The following ZDHHC20 variants were observed in gnomAD, a reference collection of about 807,000 sequenced individuals.
The protein encoded by ZDHHC20 is zDHHC palmitoyltransferase 20.
In ZDHHC20, 43 loss-of-function variants were observed where a neutral mutation model predicts 57.8. That is an observed-to-expected ratio of 0.74 (90% CI 0.58 to 0.96). The LOEUF (loss-of-function observed/expected upper bound fraction) is 0.96. Among genes scored for constraint, ZDHHC20 ranks in the 40% least tolerant of loss-of-function variants. The pLI, the probability that ZDHHC20 is intolerant of heterozygous loss-of-function variation, is 0.00. For missense variants in ZDHHC20, 391 were observed against 441.1 expected (o/e 0.89, Z 1.02); for synonymous variants, 157 against 153.0 (o/e 1.03, Z -0.19).
At chr13:21,384,349 C>A (rs9506665) in intron 9 of ZDHHC20, among the ~76,000 whole-genome samples, 76,832 of 150,428 alleles carry the variant, frequency 0.51, 20,086 homozygotes, top group Non-Finnish European at 0.58. Flanking sequence ...CTGAGGCATA[C>A]GAATCGCTTG....
chr13:21,427,660 C>A (rs1593251606), intron 1 of ZDHHC20, among the ~76,000 whole-genome samples: 1 of 151,820 alleles, frequency 6.6e-6, no homozygotes, highest in African/African-American at 2.4e-5. Flanking sequence ...ATGGTGAAAC[C>A]CCGTCTGCAC....
In ZDHHC20 at chr13:21,421,104, T is replaced by A. The variant is rs974648221; in HGVS notation, c.206A>T (p.Tyr69Phe). The A allele has an allele frequency of 8.7e-6, 14 of 1,613,234 alleles. No homozygotes were observed. The highest frequency in any genetic ancestry group is 1.2e-5 in the Non-Finnish European group (14 of 1,179,688). The change falls in exon 3 of 13, where the codon TAT becomes TTT. Residue 69 changes from tyrosine (Y) to phenylalanine (F), a missense_variant. Coordinates refer to ENST00000400590, the MANE Select transcript of ZDHHC20 (RefSeq NM_001330059.2). ...GGGAGATGTGAAAATTGTCATCCAA[T>A]AGGACCATACAAACATAACAAAGAA... The part of the protein sequence containing the change: ...HLFFVMFVWS[Y>F]WMTIFTSPAS...
chr13:21,406,727 T>C (rs1441727701), intron 4 of ZDHHC20, among the ~76,000 whole-genome samples: 1 of 152,232 alleles, frequency 6.6e-6, no homozygotes, highest in Non-Finnish European at 1.5e-5. Flanking sequence ...TTCTTTTTTA[T>C]GGCTGCATAG....
rs114862760 is a variant in ZDHHC20, at chr13:21,385,301, C to T, written c.854+2207G>A. On this transcript the variant is annotated intron_variant, in intron 9 of 12. Transcript: ENST00000400590. ...AAACTTAGCCAGGTGTGGTGTTACGCACCGGTAATCCCAGCTTCTTTGGAG... is the reference window on the plus strand; with the variant it reads ...AAACTTAGCCAGGTGTGGTGTTACGTACCGGTAATCCCAGCTTCTTTGGAG... 7.9e-3 allele frequency among the ~76,000 whole-genome samples: 1,206 copies of T among 152,150 alleles called. 19 individuals carry two copies. Among genetic ancestry groups the T allele is most frequent in the African/African-American group, 0.028 (1,153 of 41,504 alleles).
At chr13:21,426,603 T>C (rs1881277060) in intron 1 of ZDHHC20, among the ~76,000 whole-genome samples, 1 of 136,058 alleles carries the variant, frequency 7.3e-6, no homozygotes. Context: ...TTTTTTCTCC[T>C]TTTCTTTTTT....
intron 1 of ZDHHC20, among the ~76,000 whole-genome samples, chr13:21,432,331 A>AT (rs71093309): frequency 0.31 from 40,681 of 133,070 alleles, 6,120 homozygotes; most frequent in South Asian, 0.36. Context: ...TGTCCCACTA[A>AT]TTTTTTTTTT....
At chr13:21,443,506 C>CT (rs1226734672) in intron 1 of ZDHHC20, among the ~76,000 whole-genome samples, 9 of 152,204 alleles carry the variant, frequency 5.9e-5, no homozygotes, top group Admixed American at 5.2e-4. Context: ...CAAAAATTCT[C>CT]TATGTCCTAG....
intron 11 of ZDHHC20, among the ~76,000 whole-genome samples, chr13:21,380,476 T>A (rs1382541887): frequency 2.0e-5 from 3 of 151,482 alleles, no homozygotes; most frequent in Non-Finnish European, 4.4e-5. Context: ...TATTTTCAAC[T>A]AAGCAAAAGC....
intron 1 of ZDHHC20, among the ~76,000 whole-genome samples, chr13:21,454,442 T>G (rs1292273894): frequency 1.3e-5 from 2 of 152,142 alleles, no homozygotes; most frequent in African/African-American, 4.8e-5. Context: ...ATAATTTGAA[T>G]TGAATGACAA....
intron 4 of ZDHHC20, among the ~76,000 whole-genome samples, chr13:21,404,579 C>A (rs1227122786): frequency 3.3e-5 from 5 of 151,962 alleles, no homozygotes; most frequent in Non-Finnish European, 7.4e-5. Flanking sequence ...GGTGAAACCC[C>A]GTCTCTACTA....
intron 1 of ZDHHC20, among the ~76,000 whole-genome samples, chr13:21,457,129 CTTCT>C (rs1409479615): frequency 1.3e-5 from 2 of 152,172 alleles, no homozygotes; most frequent in African/African-American, 2.4e-5. Context: ...TTCATTTCTC[CTTCT>C]TTATTTGAAG....
chr13:21,435,686 C>A (rs921550985), intron 1 of ZDHHC20, among the ~76,000 whole-genome samples: 1 of 152,094 alleles, frequency 6.6e-6, no homozygotes, highest in Non-Finnish European at 1.5e-5. Flanking sequence ...ATTAGAAAAC[C>A]ACCATTTGGC....
At chr13:21,434,394 C>G (rs1488263041) in intron 1 of ZDHHC20, among the ~76,000 whole-genome samples, 1 of 152,168 alleles carries the variant, frequency 6.6e-6, no homozygotes, top group African/African-American at 2.4e-5. Flanking sequence ...CATATATTCT[C>G]TCTCCATTCT....
chr13:21,422,618 T>C (rs1488921099), intron 2 of ZDHHC20, among the ~76,000 whole-genome samples: 1 of 141,812 alleles, frequency 7.1e-6, no homozygotes, highest in Non-Finnish European at 1.6e-5. Flanking sequence ...TCTCACCAAG[T>C]GAACTCATTA....
intron 1 of ZDHHC20, among the ~76,000 whole-genome samples, chr13:21,450,779 G>C (rs1326790135): frequency 1.3e-5 from 2 of 149,578 alleles, no homozygotes; most frequent in African/African-American, 5.0e-5. Flanking sequence ...TTTGGAGACA[G>C]GGTCTCACTC....
chr13:21,454,813 T>C (rs547345943), intron 1 of ZDHHC20, among the ~76,000 whole-genome samples: 2 of 152,356 alleles, frequency 1.3e-5, no homozygotes, highest in African/African-American at 2.4e-5. Context: ...AAATATTTAA[T>C]ACAGACTCAA....
intron 2 of ZDHHC20, among the ~76,000 whole-genome samples, chr13:21,421,664 G>A (rs1205090152): frequency 6.6e-6 from 1 of 152,068 alleles, no homozygotes; most frequent in Non-Finnish European, 1.5e-5. Context: ...GTTCAATACA[G>A]GCTAACAAGA....
Position 21,429,618 on chromosome 13 carries a change from T to C in ZDHHC20, c.119-3940A>G, listed in dbSNP as rs114634418. Among the ~76,000 whole-genome samples the C allele has an allele frequency of 8.1e-3, 1,233 of 152,334 alleles. 19 individuals are homozygous for C. Among genetic ancestry groups the C allele is most frequent in the African/African-American group, 0.028 (1,167 of 41,568 alleles). On this transcript the variant is annotated intron_variant, in intron 1 of 12. Coordinates refer to ENST00000400590, the MANE Select transcript of ZDHHC20 (RefSeq NM_001330059.2). ...TTCAGAGTTTGCTGAACTTCTTAAG[T>C]TCTTCTTGAATATGTCCTTCGCCAA...
intron 7 of ZDHHC20, among the ~76,000 whole-genome samples, chr13:21,395,178 T>G (rs1416844499): frequency 3.3e-5 from 5 of 151,784 alleles, no homozygotes; most frequent in African/African-American, 1.2e-4. Flanking sequence ...GCTATTCTCC[T>G]GCCTCAGCCT....
Sources: gnomAD v4.1 joint callset for allele counts (sites outside exome capture counted in the v4.1 genomes callset) on GRCh38, gnomAD v4.1.1 for gene constraint, MANE v1.5 for transcripts, NCBI Gene and HGNC (gene_info 2026-07-23, HGNC 2026-07-21) for gene names.